The following ASPG variants were observed in gnomAD, a reference collection of about 807,000 sequenced individuals.
The protein encoded by ASPG is asparaginase.
ASPG carries 53 observed loss-of-function variants against 63.2 expected under a neutral mutation model. That is an observed-to-expected ratio of 0.84 (90% CI 0.67 to 1.05). The LOEUF (loss-of-function observed/expected upper bound fraction) is 1.05, where lower values mean the gene tolerates loss of function less well. Among genes scored for constraint, ASPG ranks in the 50% least tolerant of loss-of-function variants. ASPG has a pLI of 0.00. For missense variants in ASPG, 741 were observed against 794.4 expected (o/e 0.93, Z 0.81); for synonymous variants, 370 against 355.0 (o/e 1.04, Z -0.48).
chr14:104,107,196 C>A lies in ASPG; in HGVS notation c.1284C>A (p.Gly428=). ...QALVELGSDL[G]LVDFNGQTPL... Reference sequence around the variant, plus strand: ...TGTTACTCCAGGGCAGTGACCTGGGCCTGGTGGACTTTAACGGCCAAACCC... The same window carrying A: ...TGTTACTCCAGGGCAGTGACCTGGGACTGGTGGACTTTAACGGCCAAACCC... The change falls in exon 12 of 16, where the codon GGC becomes GGA. Residue 428 remains glycine (G), a synonymous_variant. Transcript: ENST00000551177. 1 of 1,578,878 alleles carries A rather than the reference C, an allele frequency of 6.3e-7. No individual in the cohort carries two copies.
chr14:104,085,757 G>T lies in ASPG; in HGVS notation c.-14G>T. ...CTGCACACCCCCGTCCACTCCCGTG[G>T]TCCCCGGTCCGGCATGGCGCGCGCG... On this transcript the variant is annotated 5_prime_UTR_variant, in exon 1 of 16. Coordinates refer to ENST00000551177, the MANE Select transcript of ASPG (RefSeq NM_001080464.3). 1.3e-6 allele frequency: 2 copies of T among 1,570,080 alleles called. No individual in the cohort carries two copies. Among genetic ancestry groups the T allele is most frequent in the South Asian group, 1.2e-5 (1 of 86,694 alleles).
intron 12 of ASPG, chr14:104,108,359 T>C: frequency 1.0e-6 from 1 of 962,946 alleles, no homozygotes; most frequent in Non-Finnish European, 1.2e-6. Context: ...GGAGACGAGC[T>C]CACACAGTCC....
Position 104,105,325 on chromosome 14 carries a change from C to G in ASPG, c.1051-3C>G. On this transcript the variant is annotated splice_region_variant and splice_polypyrimidine_tract_variant and intron_variant, in intron 9 of 15. Transcript: ENST00000551177. ...GCCACTTCACCTCTGTTCTCTCCAC[C>G]AGCTGCTGACCAAGGACCTTCGGGG... 6.2e-7 allele frequency: 1 copy of G among 1,612,656 alleles called. No homozygotes were observed. The highest frequency in any genetic ancestry group is 1.7e-4 in the Middle Eastern group (1 of 6,058).
In ASPG at chr14:104,104,409, A is replaced by T. The variant is rs1161325954; in HGVS notation, c.859A>T (p.Thr287Ser). The T allele has an allele frequency of 6.2e-7, 1 of 1,612,562 alleles. No individual in the cohort carries two copies. Residue 287 changes from threonine to serine, a missense_variant, in exon 8 of 16, where the codon ACC becomes TCC. Coordinates refer to ENST00000551177, the MANE Select transcript of ASPG (RefSeq NM_001080464.3). Reference sequence around the variant, plus strand: ...CCTGCTGCAGGAGCTGCGGGTGGCCACCGAGCGCGGCCTGGTCATCGTCAA... The same window carrying T: ...CCTGCTGCAGGAGCTGCGGGTGGCCTCCGAGCGCGGCCTGGTCATCGTCAA... ...PDLLQELRVATERGLVIVNCT... is the reference protein window; with the variant it reads ...PDLLQELRVASERGLVIVNCT...
chr14:104,109,180 G>T lies in ASPG; in HGVS notation c.1434-49G>T. ...TGCTGGCTCCTGAGTGAGGTGCAGC[G>T]GGGCTGGGCTGGCCAGGGCAGAAGG... On this transcript the variant is annotated intron_variant, in intron 12 of 15. Coordinates refer to ENST00000551177, the MANE Select transcript of ASPG (RefSeq NM_001080464.3). This position sits in a 1 kb window ranked among gnomAD's most constrained non-coding sequence, Gnocchi z 4.8. 6.2e-7 allele frequency: 1 copy of T among 1,602,324 alleles called. No homozygotes were observed. Among genetic ancestry groups the T allele is most frequent in the East Asian group, 2.3e-5 (1 of 44,420 alleles).
intron 2 of ASPG, chr14:104,093,227 C>T (rs1566824949): frequency 1.8e-6 from 1 of 566,202 alleles, no homozygotes. Context: ...TGGCTGGTCC[C>T]AGCCCCCCTC....
At position 104,098,884 on chromosome 14, in the gene ASPG, G is replaced by A. The variant is rs200505102; in HGVS notation, c.545G>A (p.Arg182Gln). 29 of 1,612,792 alleles carry A rather than the reference G, an allele frequency of 1.8e-5. No individual in the cohort carries two copies. Among genetic ancestry groups the A allele is most frequent in the Middle Eastern group, 3.3e-4 (2 of 6,078 alleles). Reference protein sequence around the residue: ...VCLFFQNQLFRGNRATKVDAR... With the variant: ...VCLFFQNQLFQGNRATKVDAR... Reference sequence around the variant, plus strand: ...CTTTTCTTCCAGAATCAGCTGTTTCGGGGCAACCGGGCAACCAAGGTAGAC... The same window carrying A: ...CTTTTCTTCCAGAATCAGCTGTTTCAGGGCAACCGGGCAACCAAGGTAGAC... Residue 182 changes from arginine (R) to glutamine (Q), a missense_variant, in exon 6 of 16, where the codon CGG (arginine) becomes CAG (glutamine). Transcript: ENST00000551177.
intron 10 of ASPG, among the ~76,000 whole-genome samples, chr14:104,106,308 G>A (rs2037125152): frequency 6.6e-6 from 1 of 152,246 alleles, no homozygotes; most frequent in South Asian, 2.1e-4. Context: ...TGGGGCCTCT[G>A]CCAGGACCGC....
rs951042841 is a variant in ASPG at position 104,085,864 on chromosome 14, A to C, written c.82+12A>C. The C allele has an allele frequency of 6.3e-7, 1 of 1,578,150 alleles. No homozygotes were observed. Among genetic ancestry groups the C allele is most frequent in the Non-Finnish European group, 8.6e-7 (1 of 1,169,314 alleles). On this transcript the variant is annotated intron_variant, in intron 1 of 15. Transcript: ENST00000551177. The stretch of plus-strand genomic sequence containing the variant: ...GAGTGAGCTCGGCGGTGAGTCCGAG[A>C]CCCTGGGCGGGGTAGGCCTCTGGAC...
chr14:104,103,833 C>A (rs1481728928), intron 7 of ASPG, among the ~76,000 whole-genome samples, 158 bp downstream of exon 7: 1 of 152,240 alleles, frequency 6.6e-6, no homozygotes, highest in East Asian at 1.9e-4. Context: ...CAGGCCCTGT[C>A]CCCTGTCCTC....
intron 10 of ASPG, among the ~76,000 whole-genome samples, 178 bp downstream of exon 10, chr14:104,105,628 G>T (rs1052202336): frequency 3.9e-5 from 6 of 152,174 alleles, no homozygotes; most frequent in Non-Finnish European, 7.4e-5. Flanking sequence ...AGGAAGGTTT[G>T]CAGGGTCTAT....
In ASPG at chr14:104,111,498, C is replaced by T. The variant is rs1596116698; in HGVS notation, c.1521-4C>T. On this transcript the variant is annotated splice_polypyrimidine_tract_variant and splice_region_variant and intron_variant, in intron 13 of 15. Transcript: ENST00000551177. Reference sequence around the variant, plus strand: ...AACAACTCCTCCTCTGCCCCCACCCCCAGGCTGGCATACAGGGCCGACCTC... The same window carrying T: ...AACAACTCCTCCTCTGCCCCCACCCTCAGGCTGGCATACAGGGCCGACCTC... The T allele has an allele frequency of 1.3e-6, 2 of 1,549,964 alleles. No individual in the cohort carries two copies. Among genetic ancestry groups the T allele is most frequent in the East Asian group, 4.9e-5 (2 of 40,912 alleles).
intron 4 of ASPG, among the ~76,000 whole-genome samples, chr14:104,096,915 C>A (rs1171643153): frequency 1.3e-5 from 2 of 152,218 alleles, no homozygotes; most frequent in African/African-American, 4.8e-5. Context: ...GGCCTCTGCA[C>A]CGCCACCTGC....
chr14:104,088,523 G>C (rs935355187), intron 1 of ASPG, among the ~76,000 whole-genome samples: 1 of 152,088 alleles, frequency 6.6e-6, no homozygotes, highest in Non-Finnish European at 1.5e-5. Flanking sequence ...CTGCTTGCCG[G>C]CCTGTCCCAA....
intron 12 of ASPG, chr14:104,108,962 C>T: frequency 1.0e-6 from 1 of 985,306 alleles, no homozygotes; most frequent in Non-Finnish European, 1.2e-6. Context: ...GCGGGGCTGC[C>T]ACAGAGTTGA....
chr14:104,107,294 A>G lies in ASPG; in HGVS notation c.1382A>G (p.Asn461Ser). The G allele has an allele frequency of 6.2e-7, 1 of 1,605,912 alleles. No homozygotes were observed. Among genetic ancestry groups the G allele is most frequent in the Non-Finnish European group, 8.5e-7 (1 of 1,175,498 alleles). The stretch of plus-strand genomic sequence containing the variant: ...CTGCTGCAGAGAGGTGTGGACGTGA[A>G]CACCCGGGACACGGATGGCTTCAGC... The part of the protein sequence containing the change: ...TMLLQRGVDV[N>S]TRDTDGFSPL... The change falls in exon 12 of 16, where the codon AAC (asparagine) becomes AGC (serine). Residue 461 changes from asparagine (N) to serine (S), a missense_variant. Asn to Ser is a conservative substitution (Grantham distance 46). Transcript: ENST00000551177.
chr14:104,088,492 A>G (rs554831393), intron 1 of ASPG, among the ~76,000 whole-genome samples: 11 of 152,168 alleles, frequency 7.2e-5, no homozygotes, highest in African/African-American at 1.4e-4. Context: ...AAGACTTCCT[A>G]TGTCAAACTG....
At chr14:104,100,041 G>A (rs184957346) in intron 6 of ASPG, among the ~76,000 whole-genome samples, 4 of 152,332 alleles carry the variant, frequency 2.6e-5, no homozygotes, top group East Asian at 1.9e-4. Flanking sequence ...GTCACTGGAC[G>A]CCTGGGGAGG....
intron 13 of ASPG, chr14:104,111,062 G>C: frequency 4.1e-6 from 4 of 985,450 alleles, no homozygotes; most frequent in Non-Finnish European, 4.8e-6. Context: ...ACCCCGCCCC[G>C]GGAAGAGCGG....
Sources: allele counts gnomAD v4.1 joint callset (sites outside exome capture counted in the v4.1 genomes callset), GRCh38; gene constraint gnomAD v4.1.1; non-coding constraint Gnocchi (gnomAD v3.1); transcripts MANE v1.5; gene names NCBI Gene and HGNC (gene_info 2026-07-23, HGNC 2026-07-21).